FAM78A: variants seen among roughly 807,000 people sequenced by gnomAD.
FAM78A encodes protein FAM78A.
In FAM78A, 12 loss-of-function variants were observed where a neutral mutation model predicts 22.6. That is an observed-to-expected ratio of 0.53 (90% CI 0.34 to 0.86). FAM78A has a LOEUF of 0.86. Ranked by LOEUF, FAM78A falls within the 40% of genes least tolerant of loss-of-function variation. The probability of loss-of-function intolerance (pLI) is 0.02; values close to 1 mark genes in which losing one functional copy is unlikely to be tolerated. For synonymous variants in FAM78A, 151 were observed against 155.8 expected (o/e 0.97, Z 0.23); for missense variants, 322 against 396.1 (o/e 0.81, Z 1.59).
chr9:131,271,330 C>T (rs1425388931), intron 1 of FAM78A, among the ~76,000 whole-genome samples: 1 of 152,170 alleles, frequency 6.6e-6, no homozygotes, highest in African/African-American at 2.4e-5. Flanking sequence ...GCCACCTTTC[C>T]GGTGACTCCG....
Position 131,260,203 on chromosome 9 carries a change from G to C in FAM78A, c.*619C>G, listed in dbSNP as rs764086845. 6.6e-5 allele frequency: 10 copies of C among 152,630 alleles called. No homozygotes were observed. Among genetic ancestry groups the C allele is most frequent in the Non-Finnish European group, 1.0e-4 (7 of 68,040 alleles). The allele number at this position is 152,630 out of a possible 1,614,324, so 9.5% of individuals were successfully genotyped here. On this transcript the variant is annotated 3_prime_UTR_variant, in exon 2 of 2. Coordinates refer to ENST00000372271, the MANE Select transcript of FAM78A (RefSeq NM_033387.4). The surrounding 1 kb of genome is among the most constrained non-coding windows in gnomAD (Gnocchi z 5.4). ...GGGAAGAAGGGCTCAAGAGACTCTCGCGGGCGACCCCAACCCTCCCTCCAC... is the reference window on the plus strand; with the variant it reads ...GGGAAGAAGGGCTCAAGAGACTCTCCCGGGCGACCCCAACCCTCCCTCCAC...
rs61738264 is a variant in FAM78A at position 131,276,120 on chromosome 9, G to A, written c.60C>T (p.Ala20=). 6.2e-7 allele frequency: 1 copy of A among 1,613,524 alleles called. No individual in the cohort carries two copies. Residue 20 remains alanine (A), a synonymous_variant, in exon 1 of 2, where the codon GCC becomes GCT. Transcript: ENST00000372271. This position sits in a 1 kb window ranked among gnomAD's most constrained non-coding sequence, Gnocchi z 4.3. ...PSLEIRALLY[A]MGCIQSIGGK... Reference sequence around the variant, plus strand: ...CTCCGATGCTCTGAATACAGCCCATGGCATACAGGAGCGCTCTGATCTCCA... The same window carrying A: ...CTCCGATGCTCTGAATACAGCCCATAGCATACAGGAGCGCTCTGATCTCCA...
intron 1 of FAM78A, among the ~76,000 whole-genome samples, chr9:131,273,298 G>A (rs988221301): frequency 3.9e-5 from 6 of 152,334 alleles, no homozygotes; most frequent in Admixed American, 3.3e-4. Flanking sequence ...GCCAAGACAC[G>A]TGGACCCTTC....
At position 131,272,183 on chromosome 9, in the gene FAM78A, C is replaced by G. The variant is rs1037832182; in HGVS notation, c.323+3674G>C. Among the ~76,000 whole-genome samples, 2 of 152,140 alleles carry G rather than the reference C, an allele frequency of 1.3e-5. No homozygotes were observed. The highest frequency in any genetic ancestry group is 2.9e-5 in the Non-Finnish European group (2 of 68,024). On this transcript the variant is annotated intron_variant, in intron 1 of 1. Coordinates refer to ENST00000372271, the MANE Select transcript of FAM78A (RefSeq NM_033387.4). The surrounding 1 kb of genome is among the most constrained non-coding windows in gnomAD (Gnocchi z 4.1). ...GGAATTAACATTTTGGATACAAGCC[C>G]ATTTGTAAAGAATGAAAGCCCTAAC...
chr9:131,280,237 C>T (rs986591421), upstream of FAM78A, among the ~76,000 whole-genome samples: 6 of 152,176 alleles, frequency 3.9e-5, no homozygotes, highest in Non-Finnish European at 7.4e-5. Context: ...GCTTCTGAAG[C>T]GCCCACCAGG....
At position 131,269,827 on chromosome 9, in the gene FAM78A, C is replaced by G. The variant is rs564415303; in HGVS notation, c.323+6030G>C. Among the ~76,000 whole-genome samples the G allele has an allele frequency of 2.6e-5, 4 of 152,170 alleles. No homozygotes were observed. The East Asian group carries it at 5.8e-4, about 22-fold the overall frequency. On this transcript the variant is annotated intron_variant, in intron 1 of 1. Transcript: ENST00000372271. ...TCCCCTTCGCGTGATCATTAACTCA[C>G]TTGTTCAGTAGATTATTTTTTTGCC...
At chr9:131,270,593 G>A in intron 1 of FAM78A, 2 of 707,198 alleles carry the variant, frequency 2.8e-6, no homozygotes, top group South Asian at 3.0e-5. Context: ...CCAAAGCCTT[G>A]AAACAAGGAC....
At chr9:131,264,822 C>A in intron 1 of FAM78A, 1 of 529,472 alleles carries the variant, frequency 1.9e-6, no homozygotes, top group East Asian at 3.2e-5. Flanking sequence ...CTCCCAGGTT[C>A]AAGTGATTCT....
In FAM78A at chr9:131,267,773, C is replaced by T. The variant is rs563378039; in HGVS notation, c.324-6423G>A. Among the ~76,000 whole-genome samples the T allele has an allele frequency of 5.3e-5, 8 of 150,280 alleles. No homozygotes were observed. In the South Asian group the frequency reaches 6.4e-4, roughly 12 times the overall value. On this transcript the variant is annotated intron_variant, in intron 1 of 1. Transcript: ENST00000372271. The stretch of plus-strand genomic sequence containing the variant: ...AAGACTTGAGGCTCCAGGCCGGGCG[C>T]GGTGGCTCACGCCTGTAATCCCAGC...
rs566401809 is a variant in FAM78A, at chr9:131,270,043, A to T, written c.323+5814T>A. ...AACCCCATCCCTACTAAAATAAAAA[A>T]AAAAAAAAAAAAAAAAGCCAGGTGT... On this transcript the variant is annotated intron_variant, in intron 1 of 1. Coordinates refer to ENST00000372271, the MANE Select transcript of FAM78A (RefSeq NM_033387.4). 4.5e-3 allele frequency among the ~76,000 whole-genome samples: 665 copies of T among 149,192 alleles called. 3 individuals are homozygous for T. Among genetic ancestry groups the T allele is most frequent in the Admixed American group, 9.4e-3 (141 of 14,992 alleles).
chr9:131,262,756 T>A (rs1364818970), intron 1 of FAM78A: 1 of 152,090 alleles, frequency 6.6e-6, no homozygotes, highest in East Asian at 1.9e-4. Flanking sequence ...CAGATCAACC[T>A]TGAGGACGTT....
At chr9:131,263,099 C>T (rs574991046) in intron 1 of FAM78A, among the ~76,000 whole-genome samples, 1 of 152,044 alleles carries the variant, frequency 6.6e-6, no homozygotes, top group South Asian at 2.1e-4. Context: ...ATTAGCCAGG[C>T]ATGGTGGTGG....
chr9:131,263,201 T>C (rs1835295867), intron 1 of FAM78A, among the ~76,000 whole-genome samples: 1 of 139,362 alleles, frequency 7.2e-6, no homozygotes, highest in Non-Finnish European at 1.5e-5. Flanking sequence ...ATCACACCAC[T>C]GCACTCCAGC....
rs1245750032 is a variant in FAM78A at position 131,274,948 on chromosome 9, C to A, written c.323+909G>T. 6.6e-6 allele frequency among the ~76,000 whole-genome samples: 1 copy of A among 152,186 alleles called. No individual in the cohort carries two copies. The highest frequency in any genetic ancestry group is 2.4e-5 in the African/African-American group (1 of 41,436). On this transcript the variant is annotated intron_variant, in intron 1 of 1. Transcript: ENST00000372271. This position sits in a 1 kb window ranked among gnomAD's most constrained non-coding sequence, Gnocchi z 4.2. ...GCCTGCCTAGCTCTCTCCAAAGGGTCCTTACGCTCAGAAACAGCTATTTTC... is the reference window on the plus strand; with the variant it reads ...GCCTGCCTAGCTCTCTCCAAAGGGTACTTACGCTCAGAAACAGCTATTTTC...
chr9:131,262,892 A>G (rs1417906197), intron 1 of FAM78A, among the ~76,000 whole-genome samples: 3 of 151,994 alleles, frequency 2.0e-5, no homozygotes, highest in African/African-American at 7.3e-5. Flanking sequence ...GGCTGGGAGA[A>G]AGAGGAACGG....
rs539289370 is a variant in FAM78A, at chr9:131,271,379, C to T, written c.323+4478G>A. ...AATGCATAAGACATTATTAGTATTACGATTCATAGCTATGGTATTGACGGC... is the reference window on the plus strand; with the variant it reads ...AATGCATAAGACATTATTAGTATTATGATTCATAGCTATGGTATTGACGGC... On this transcript the variant is annotated intron_variant, in intron 1 of 1. Transcript: ENST00000372271. Among the ~76,000 whole-genome samples, 5 of 152,286 alleles carry T rather than the reference C, an allele frequency of 3.3e-5. No individual in the cohort carries two copies. The East Asian group carries it at 7.7e-4, about 24-fold the overall frequency.
chr9:131,277,607 C>T (rs191181057), upstream of FAM78A, among the ~76,000 whole-genome samples: 25 of 151,888 alleles, frequency 1.6e-4, no homozygotes, highest in African/African-American at 5.8e-4. The surrounding 1 kb of genome is among the most constrained non-coding windows in gnomAD (Gnocchi z 8.4). Context: ...CCTGACCCGG[C>T]CGCGGGCACG....
chr9:131,264,484 A>G (rs1400420418), intron 1 of FAM78A: 1 of 676,118 alleles, frequency 1.5e-6, no homozygotes, highest in Non-Finnish European at 2.8e-6. Context: ...TGGTCCAGTC[A>G]CAGACGCGCT....
intron 1 of FAM78A, among the ~76,000 whole-genome samples, chr9:131,262,310 CAAAAAAAAA>C (rs1312713039): frequency 1.3e-5 from 1 of 75,664 alleles, no homozygotes; most frequent in East Asian, 3.2e-4. Context: ...ACTCTGTCTC[CAAAAAAAAA>C]AAAAAAAAAT....
Sources: gnomAD v4.1 joint callset for allele counts (sites outside exome capture counted in the v4.1 genomes callset) on GRCh38, gnomAD v4.1.1 for gene constraint, Gnocchi (gnomAD v3.1) non-coding constraint, MANE v1.5 for transcripts, NCBI Gene and HGNC (gene_info 2026-07-23, HGNC 2026-07-21) for gene names.